Variants in SMARCC1 observed in about 807,000 individuals in gnomAD.
SMARCC1 encodes the protein SWI/SNF related BAF chromatin remodeling complex subunit C1.
Under a neutral mutation model 147.4 loss-of-function variants are expected in SMARCC1, and 43 were observed. The ratio of observed to expected loss-of-function variants is 0.29; its 90% CI spans 0.23 to 0.38. The LOEUF is 0.38. Ranked by LOEUF, SMARCC1 falls within the 10% of genes least tolerant of loss-of-function variation. SMARCC1 has a pLI of 1.00. For synonymous variants in SMARCC1, 495 were observed against 484.4 expected (o/e 1.02, Z -0.29); for missense variants, 1,119 against 1,381.1 (o/e 0.81, Z 3.01).
At chr3:47,673,183 A>T (rs1314381206) in intron 18 of SMARCC1, among the ~76,000 whole-genome samples, 3 of 152,010 alleles carry the variant, frequency 2.0e-5, no homozygotes. Flanking sequence ...CAGGAGTTCA[A>T]GACAAACCAG....
At chr3:47,719,642 G>A (rs1386350854) in intron 7 of SMARCC1, among the ~76,000 whole-genome samples, 1 of 152,098 alleles carries the variant, frequency 6.6e-6, no homozygotes, top group Non-Finnish European at 1.5e-5. Context: ...GGTGGAGGTT[G>A]CAGTGAGTCG....
chr3:47,719,863 G>A (rs1013804125), intron 7 of SMARCC1, among the ~76,000 whole-genome samples: 6 of 152,140 alleles, frequency 3.9e-5, no homozygotes, highest in Admixed American at 6.5e-5. Context: ...AGACACCTGA[G>A]TAGCTGGGAT....
intron 21 of SMARCC1, among the ~76,000 whole-genome samples, chr3:47,648,742 C>G (rs2033150507): frequency 2.0e-5 from 3 of 152,050 alleles, no homozygotes; most frequent in Admixed American, 1.3e-4. Flanking sequence ...CTTCCATGGA[C>G]AAATAATACT....
intron 1 of SMARCC1, among the ~76,000 whole-genome samples, chr3:47,779,631 C>A (rs1456115661): frequency 6.6e-6 from 1 of 152,192 alleles, no homozygotes; most frequent in Non-Finnish European, 1.5e-5. Flanking sequence ...ATTCCTCAAA[C>A]TGCTTTGTAG....
intron 1 of SMARCC1, among the ~76,000 whole-genome samples, chr3:47,776,867 C>A (rs781774512): frequency 6.6e-6 from 1 of 151,844 alleles, no homozygotes; most frequent in African/African-American, 2.4e-5. Flanking sequence ...CTCCGCCTCC[C>A]GGGTTCAAGC....
intron 4 of SMARCC1, among the ~76,000 whole-genome samples, 189 bp from the exon 5 acceptor site, chr3:47,736,315 C>G (rs1448032151): frequency 6.6e-6 from 1 of 152,108 alleles, no homozygotes; most frequent in Non-Finnish European, 1.5e-5. Flanking sequence ...ATCTTCCTCC[C>G]CAATTTTACC....
At chr3:47,715,457 C>T (rs1390229932) in intron 7 of SMARCC1, among the ~76,000 whole-genome samples, 1 of 152,178 alleles carries the variant, frequency 6.6e-6, no homozygotes, top group Non-Finnish European at 1.5e-5. Context: ...TGTAATCAAA[C>T]CAACTGCAAA....
chr3:47,594,747 C>G (rs1368203560), intron 26 of SMARCC1, among the ~76,000 whole-genome samples: 6 of 152,168 alleles, frequency 3.9e-5, no homozygotes, highest in Non-Finnish European at 7.4e-5. Context: ...CCTAAAAACA[C>G]CTGGGACAGC....
At chr3:47,613,306 A>C (rs1030114033) in intron 25 of SMARCC1, among the ~76,000 whole-genome samples, 1 of 152,236 alleles carries the variant, frequency 6.6e-6, no homozygotes, top group African/African-American at 2.4e-5. Context: ...GTATAAACAC[A>C]TTTAAAATGT....
intron 1 of SMARCC1, among the ~76,000 whole-genome samples, chr3:47,778,455 C>G (rs1049862004): frequency 6.6e-6 from 1 of 151,772 alleles, no homozygotes. Context: ...TGGGACTACA[C>G]GTGCATGCCA....
chr3:47,781,521 G>C lies in SMARCC1; in HGVS notation c.195+82C>G. The C allele has an allele frequency of 4.0e-6, 4 of 1,000,386 alleles. No homozygotes were observed. In the Admixed American group the frequency reaches 1.3e-4, roughly 32 times the overall value. 62.0% of individuals were successfully genotyped at this position (1,000,386 alleles called of 1,614,324 possible). A position where few individuals can be genotyped will look rare whatever the true frequency, so the allele number is the denominator to read the frequency against. ...CCCTCGTGGCGTGCGGGGGGGAGGGGCGGCCCGAGGCCCGCGAGGCCAGCT... is the reference window on the plus strand; with the variant it reads ...CCCTCGTGGCGTGCGGGGGGGAGGGCCGGCCCGAGGCCCGCGAGGCCAGCT... On this transcript the variant is annotated intron_variant, in intron 1 of 27. Transcript: ENST00000254480.
chr3:47,699,915 T>C (rs1158018664), intron 11 of SMARCC1, among the ~76,000 whole-genome samples: 3 of 152,100 alleles, frequency 2.0e-5, no homozygotes, highest in Non-Finnish European at 4.4e-5. Context: ...TAGGCTTTTT[T>C]TTAATACTCT....
In SMARCC1 at chr3:47,678,232, T is replaced by G; in HGVS notation, c.1537A>C (p.Arg513=). 1 of 1,608,898 alleles carries G rather than the reference T, an allele frequency of 6.2e-7. No homozygotes were observed. The highest frequency in any genetic ancestry group is 1.1e-5 in the South Asian group (1 of 90,190). ...GCACACACATCTCCAGTCAAGTTCCTCCGACAAGCAGTGCTAGTTAAATAC... is the reference window on the plus strand; with the variant it reads ...GCACACACATCTCCAGTCAAGTTCCGCCGACAAGCAGTGCTAGTTAAATAC... The part of the protein sequence containing the change: ...QEYLTSTACR[R]NLTGDVCAVM... The change falls in exon 16 of 28, where the codon AGG becomes CGG. Residue 513 remains arginine, a synonymous_variant. Coordinates refer to ENST00000254480, the MANE Select transcript of SMARCC1 (RefSeq NM_003074.4).
intron 2 of SMARCC1, among the ~76,000 whole-genome samples, chr3:47,769,809 C>G (rs1424431059): frequency 6.6e-6 from 1 of 152,062 alleles, no homozygotes; most frequent in African/African-American, 2.4e-5. Flanking sequence ...AGAAAAGGAG[C>G]CCTTTTAAAT....
rs1367840800 is a variant in SMARCC1 at position 47,736,036 on chromosome 3, G to C, written c.574C>G (p.Gln192Glu). The part of the protein sequence containing the change: ...NKLKDIIKRH[Q>E]GTFTDEKSKA... The stretch of plus-strand genomic sequence containing the variant: ...TCTGAAGTGATTGTGTCTATTACCT[G>C]ATGTCGTTTGATGATATCTTTCAAT... The change falls in exon 5 of 28, where the codon CAG becomes GAG. Residue 192 changes from glutamine (Q) to glutamate (E), a missense_variant and splice_region_variant. By Grantham distance (29) the Gln-to-Glu change is conservative. Coordinates refer to ENST00000254480, the MANE Select transcript of SMARCC1 (RefSeq NM_003074.4). 2 of 1,489,882 alleles carry C rather than the reference G, an allele frequency of 1.3e-6. No individual in the cohort carries two copies. The highest frequency in any genetic ancestry group is 4.6e-5 in the East Asian group (2 of 43,938). The allele number at this position is 1,489,882 out of a possible 1,614,324, so 92.3% of individuals were successfully genotyped here.
intron 19 of SMARCC1, among the ~76,000 whole-genome samples, chr3:47,669,619 A>G (rs1332751855): frequency 6.6e-6 from 1 of 152,218 alleles, no homozygotes; most frequent in Non-Finnish European, 1.5e-5. Context: ...GCATATGAGA[A>G]TATATTAAAA....
intron 26 of SMARCC1, among the ~76,000 whole-genome samples, chr3:47,598,058 G>A (rs2032319370): frequency 6.6e-6 from 1 of 152,202 alleles, no homozygotes; most frequent in Non-Finnish European, 1.5e-5. Context: ...AACTGCCAAA[G>A]AGGCACCTTT....
chr3:47,701,488 AT>A (rs1247373464), intron 10 of SMARCC1, 86 bp from the exon 11 acceptor site: 1 of 1,231,434 alleles, frequency 8.1e-7, no homozygotes, highest in Non-Finnish European at 1.2e-6. Flanking sequence ...CACCTTCATT[AT>A]TTGTAGAACA....
At chr3:47,624,577 T>C (rs932150761) in intron 24 of SMARCC1, among the ~76,000 whole-genome samples, 3 of 152,206 alleles carry the variant, frequency 2.0e-5, no homozygotes, top group African/African-American at 7.2e-5. Flanking sequence ...ACAGTGTGAA[T>C]AGAGAACAGA....
Sources: gnomAD v4.1 joint callset for allele counts (sites outside exome capture counted in the v4.1 genomes callset) on GRCh38, gnomAD v4.1.1 for gene constraint, MANE v1.5 for transcripts, NCBI Gene and HGNC (gene_info 2026-07-23, HGNC 2026-07-21) for gene names.